Variants in INO80 observed in about 807,000 individuals in gnomAD.
The protein encoded by INO80 is INO80 complex ATPase subunit, also known as chromatin-remodeling ATPase INO80.
INO80 carries 20 observed loss-of-function variants against 203.4 expected under a neutral mutation model. The ratio of observed to expected loss-of-function variants is 0.10; its 90% CI spans 0.07 to 0.14. The LOEUF (loss-of-function observed/expected upper bound fraction) is 0.14, where lower values mean the gene tolerates loss of function less well. Ranked by LOEUF, INO80 falls within the 10% of genes least tolerant of loss-of-function variation. The pLI, the probability that INO80 is intolerant of heterozygous loss-of-function variation, is 1.00. For synonymous variants in INO80, 726 were observed against 685.2 expected, an observed-to-expected ratio of 1.06 and a Z score of -0.93; for missense variants, 1,419 against 1,914.4, an observed-to-expected ratio of 0.74 and a Z score of 4.83.
In INO80 at chr15:41,070,493, T is replaced by G; in HGVS notation, c.1660A>C (p.Ile554Leu). Reference sequence around the variant, plus strand: ...TCAGCCAGATGGGCCAGAAGGGCAATGCTCTGTACTGTTTTACCAAGGCCC... The same window carrying G: ...TCAGCCAGATGGGCCAGAAGGGCAAGGCTCTGTACTGTTTTACCAAGGCCC... Reference protein sequence around the residue: ...EMGLGKTVQSIALLAHLAERE... With the variant: ...EMGLGKTVQSLALLAHLAERE... Residue 554 changes from isoleucine to leucine, a missense_variant, in exon 13 of 36, where the codon ATT becomes CTT. Around this residue, in one of 9 missense-constraint regions of INO80, gnomAD observed 192 missense variants for 406.7 expected, o/e 0.47. Coordinates refer to ENST00000648947, the MANE Select transcript of INO80 (RefSeq NM_017553.3). 1 of 1,614,098 alleles carries G rather than the reference T, an allele frequency of 6.2e-7. No homozygotes were observed. Among genetic ancestry groups the G allele is most frequent in the East Asian group, 2.2e-5 (1 of 44,880 alleles).
At position 41,086,248 on chromosome 15, in the gene INO80, T is replaced by G. The variant is rs574760580; in HGVS notation, c.659-665A>C. Among the ~76,000 whole-genome samples the G allele has an allele frequency of 6.6e-5, 10 of 151,928 alleles. No homozygotes were observed. The East Asian group carries it at 1.9e-3, about 29-fold the overall frequency. ...CTAAGACTTGCAAGACAAAAATACA[T>G]GAAACAAAACCTTAATTCAGGTTGG... On this transcript the variant is annotated intron_variant, in intron 6 of 35. Transcript: ENST00000648947.
intron 7 of INO80, among the ~76,000 whole-genome samples, chr15:41,084,893 C>A (rs1430110035): frequency 6.6e-6 from 1 of 152,130 alleles, no homozygotes; most frequent in Non-Finnish European, 1.5e-5. Flanking sequence ...TGTGCCGCTA[C>A]GCCCAGTTCA....
chr15:40,997,622 T>A, intron 28 of INO80, 21 bp from the exon 29 acceptor site: 1 of 1,567,386 alleles, frequency 6.4e-7, no homozygotes, highest in Non-Finnish European at 8.8e-7. Context: ...GGGAGAGATA[T>A]GTTAAAGGAA....
chr15:41,086,446 T>C (rs1596318933), intron 6 of INO80, among the ~76,000 whole-genome samples: 1 of 150,910 alleles, frequency 6.6e-6, no homozygotes, highest in Non-Finnish European at 1.5e-5. Context: ...AGGTCAGGAG[T>C]TCAAGACCAG....
chr15:41,018,456 C>G (rs2044242514), intron 26 of INO80: 1 of 152,150 alleles, frequency 6.6e-6, no homozygotes, highest in Admixed American at 6.6e-5. Context: ...CTAAAGGAGG[C>G]AAGAAGTGGT....
At position 41,071,628 on chromosome 15, in the gene INO80, A is replaced by ATT. The variant is rs879445268; in HGVS notation, c.1605+219_1605+220dup. 2.8e-3 allele frequency among the ~76,000 whole-genome samples: 394 copies of ATT among 142,304 alleles called. 2 individuals carry two copies. Among genetic ancestry groups the ATT allele is most frequent in the South Asian group, 0.013 (60 of 4,468 alleles). 93.4% of individuals were successfully genotyped at this position (142,304 alleles called of 152,430 possible). On this transcript the variant is annotated intron_variant, in intron 12 of 35. Transcript: ENST00000648947. ...CACCACCATGCCAGGCTAATTTTGT[A>ATT]TTTTTTTTTTTTAGTAGAGATGGGG...
chr15:41,088,292 G>A (rs545686394), intron 5 of INO80, among the ~76,000 whole-genome samples: 4 of 151,972 alleles, frequency 2.6e-5, no homozygotes, highest in South Asian at 4.2e-4. Context: ...GTTTCACCAC[G>A]TTGGCCAGGA....
At chr15:41,109,410 C>T (rs2045927930) in intron 1 of INO80, among the ~76,000 whole-genome samples, 1 of 151,898 alleles carries the variant, frequency 6.6e-6, no homozygotes, top group African/African-American at 2.4e-5. Context: ...GAGATTGCCC[C>T]ACTGCACTAC....
chr15:41,071,277 G>C (rs980185219), intron 12 of INO80, among the ~76,000 whole-genome samples: 10 of 151,990 alleles, frequency 6.6e-5, no homozygotes, highest in African/African-American at 2.2e-4. Flanking sequence ...TTAAGTTCTA[G>C]GGTACATGTG....
intron 26 of INO80, chr15:41,017,571 C>A (rs1302870804): frequency 6.6e-6 from 1 of 152,192 alleles, no homozygotes; most frequent in African/African-American, 2.4e-5. Context: ...TCTGTTCTTG[C>A]CACAATTTGC....
chr15:41,100,469 T>G, intron 1 of INO80, among the ~76,000 whole-genome samples: 1 of 152,206 alleles, frequency 6.6e-6, no homozygotes, highest in Admixed American at 6.5e-5. Context: ...TAACTTCTAG[T>G]CTTACAATCC....
intron 27 of INO80, 129 bp downstream of exon 27, chr15:41,015,959 A>G (rs2044200573): frequency 2.8e-6 from 2 of 704,862 alleles, no homozygotes; most frequent in Non-Finnish European, 4.6e-6. Flanking sequence ...AAAAAAAAAA[A>G]GGAAAAAGAA....
chr15:41,042,825 CTTGG>C (rs942656721), intron 24 of INO80, among the ~76,000 whole-genome samples: 1 of 152,118 alleles, frequency 6.6e-6, no homozygotes, highest in Non-Finnish European at 1.5e-5. Flanking sequence ...AAATACACTA[CTTGG>C]TTGGTATTTC....
At chr15:40,998,185 C>T (rs986814764) in intron 28 of INO80, among the ~76,000 whole-genome samples, 8 of 151,916 alleles carry the variant, frequency 5.3e-5, no homozygotes, top group Non-Finnish European at 1.2e-4. Flanking sequence ...CCACACCTGC[C>T]TAATTTTTAA....
At chr15:41,074,732 A>G (rs2045377315) in intron 9 of INO80, among the ~76,000 whole-genome samples, 167 bp from the exon 10 acceptor site, 1 of 152,156 alleles carries the variant, frequency 6.6e-6, no homozygotes, top group African/African-American at 2.4e-5. Context: ...CAGTGGCACT[A>G]AAAGCAATGA....
At position 41,005,678 on chromosome 15, in the gene INO80, C is replaced by T; in HGVS notation, c.3412G>A (p.Val1138Ile). ...CTCATGTAGGTATGCTTCCTGTAAACCATGTATTCCTGCCAACCAGGATAA... is the reference window on the plus strand; with the variant it reads ...CTCATGTAGGTATGCTTCCTGTAAATCATGTATTCCTGCCAACCAGGATAA... Reference protein sequence around the residue: ...RMIDLLEEYMVYRKHTYMRLD... With the variant: ...RMIDLLEEYMIYRKHTYMRLD... The change falls in exon 28 of 36, where the codon GTT becomes ATT. Residue 1138 changes from valine to isoleucine, a missense_variant. Val to Ile is a conservative substitution (Grantham distance 29, BLOSUM62 3). This residue lies in a region of INO80 where 65 missense variants were observed against 186.7 expected (regional missense o/e 0.35). Transcript: ENST00000648947. The T allele has an allele frequency of 6.3e-7, 1 of 1,582,686 alleles. No individual in the cohort carries two copies. Among genetic ancestry groups the T allele is most frequent in the South Asian group, 1.1e-5 (1 of 90,098 alleles).
chr15:41,014,883 G>T (rs1203714342), intron 27 of INO80, among the ~76,000 whole-genome samples: 1 of 152,092 alleles, frequency 6.6e-6, no homozygotes, highest in East Asian at 1.9e-4. Context: ...TTTATTCCTA[G>T]ATAAGGAAAA....
intron 27 of INO80, 139 bp downstream of exon 27, chr15:41,015,944 CAAAAA>C (rs200056630): frequency 6.7e-5 from 31 of 466,018 alleles, no homozygotes; most frequent in East Asian, 2.2e-4. Context: ...GACTCTGTCT[CAAAAA>C]AAAAAAAAAA....
intron 25 of INO80, among the ~76,000 whole-genome samples, chr15:41,027,105 C>T (rs2044386780): frequency 1.3e-5 from 2 of 152,178 alleles, no homozygotes; most frequent in Admixed American, 6.5e-5. Context: ...CTTTGGAAAG[C>T]AAGAAAACAC....
Sources: allele counts gnomAD v4.1 joint callset (sites outside exome capture counted in the v4.1 genomes callset), GRCh38; gene constraint gnomAD v4.1.1; regional missense constraint gnomAD v4.1.1; transcripts MANE v1.5; gene names NCBI Gene and HGNC (gene_info 2026-07-23, HGNC 2026-07-21).